Variants in PSMD14 observed in about 807,000 individuals in gnomAD.
The protein encoded by PSMD14 is ubiquitin C-terminal hydrolase PSMD14.
In PSMD14, 7 loss-of-function variants were observed where a neutral mutation model predicts 41.2. The observed-to-expected ratio is 0.17, with a 90% confidence interval of 0.10 to 0.32. The LOEUF (loss-of-function observed/expected upper bound fraction) is 0.32, where lower values mean the gene tolerates loss of function less well. PSMD14 is among the 10% of genes least tolerant of loss of function. The probability of loss-of-function intolerance (pLI) is 1.00; values close to 1 mark genes in which losing one functional copy is unlikely to be tolerated. For synonymous variants in PSMD14, 114 were observed against 122.3 expected (o/e 0.93, Z 0.45); for missense variants, 139 against 375.6 (o/e 0.37, Z 5.21).
chr2:161,353,127 A>G (rs1361365311), intron 3 of PSMD14, among the ~76,000 whole-genome samples: 1 of 152,254 alleles, frequency 6.6e-6, no homozygotes, highest in Non-Finnish European at 1.5e-5. Flanking sequence ...AAATTTATAC[A>G]AATTCTATAA....
At chr2:161,336,615 G>T (rs1682874754) in intron 3 of PSMD14, among the ~76,000 whole-genome samples, 2 of 151,964 alleles carry the variant, frequency 1.3e-5, no homozygotes, top group African/African-American at 4.8e-5. Flanking sequence ...TTGCTCTGTT[G>T]CCCAGACTGG....
intron 8 of PSMD14, among the ~76,000 whole-genome samples, chr2:161,389,885 TGTTG>T (rs147699785): frequency 1.4e-5 from 1 of 73,948 alleles, no homozygotes; most frequent in Non-Finnish European, 2.7e-5. Flanking sequence ...CTTTCTTTTT[TGTTG>T]TTTTTTTTTT....
intron 7 of PSMD14, among the ~76,000 whole-genome samples, chr2:161,375,857 C>A (rs1247241869): frequency 6.6e-6 from 1 of 151,724 alleles, no homozygotes; most frequent in Non-Finnish European, 1.5e-5. Flanking sequence ...CATGATGAAA[C>A]TCTGTCTCTA....
intron 3 of PSMD14, among the ~76,000 whole-genome samples, chr2:161,347,419 C>G (rs1341345141): frequency 6.6e-6 from 1 of 152,122 alleles, no homozygotes; most frequent in Non-Finnish European, 1.5e-5. Context: ...CCTGGGACTA[C>G]AGGCATGAGC....
Position 161,363,227 on chromosome 2 carries a change from C to T in PSMD14, c.49-4251C>T, listed in dbSNP as rs561810489. On this transcript the variant is annotated intron_variant, in intron 3 of 11. Coordinates refer to ENST00000409682, the MANE Select transcript of PSMD14 (RefSeq NM_005805.6). ...GAAACAGTTTCATCTCAAAACCATC[C>T]TCCCTGCCCCAAAACTCGAAAAATG... Among the ~76,000 whole-genome samples the T allele has an allele frequency of 5.9e-5, 9 of 152,286 alleles. No homozygotes were observed. In the East Asian group the frequency reaches 1.7e-3, roughly 29 times the overall value.
intron 7 of PSMD14, among the ~76,000 whole-genome samples, chr2:161,378,740 A>G (rs1683535959): frequency 6.6e-6 from 1 of 151,970 alleles, no homozygotes; most frequent in African/African-American, 2.4e-5. Context: ...GATAACATTT[A>G]CTGGTTGTGT....
chr2:161,334,052 G>A lies in PSMD14; in HGVS notation c.48+15179G>A, dbSNP rs575821129. On this transcript the variant is annotated intron_variant, in intron 3 of 11. Coordinates refer to ENST00000409682, the MANE Select transcript of PSMD14 (RefSeq NM_005805.6). ...TCAAAAAGAAACAAAAAACAAAAAGGCCAGGCCTGGTGGCTCACACCTGTA... is the reference window on the plus strand; with the variant it reads ...TCAAAAAGAAACAAAAAACAAAAAGACCAGGCCTGGTGGCTCACACCTGTA... 3.3e-5 allele frequency among the ~76,000 whole-genome samples: 5 copies of A among 151,694 alleles called. No homozygotes were observed. In the South Asian group the frequency reaches 1.0e-3, roughly 32 times the overall value.
intron 3 of PSMD14, among the ~76,000 whole-genome samples, chr2:161,363,258 C>T (rs1683314799): frequency 6.6e-6 from 1 of 152,192 alleles, no homozygotes; most frequent in Non-Finnish European, 1.5e-5. Flanking sequence ...AAATGGTCTT[C>T]CATGAAACTG....
chr2:161,372,006 C>T (rs924985215), intron 7 of PSMD14, among the ~76,000 whole-genome samples: 2 of 150,744 alleles, frequency 1.3e-5, no homozygotes, highest in Non-Finnish European at 3.0e-5. Flanking sequence ...CCCCATATGC[C>T]ATTTTCCTAT....
At chr2:161,337,688 C>G (rs1224876611) in intron 3 of PSMD14, among the ~76,000 whole-genome samples, 2 of 152,150 alleles carry the variant, frequency 1.3e-5, no homozygotes, top group Non-Finnish European at 2.9e-5. Flanking sequence ...TGCCAGTGCA[C>G]ATGACTGTGA....
At chr2:161,341,449 A>G (rs1387459244) in intron 3 of PSMD14, 6 of 340,486 alleles carry the variant, frequency 1.8e-5, no homozygotes, top group Non-Finnish European at 2.5e-5. Flanking sequence ...TATCAAATAT[A>G]TAATTCGCAG....
chr2:161,333,341 T>G (rs1339613639), intron 3 of PSMD14, among the ~76,000 whole-genome samples: 1 of 152,246 alleles, frequency 6.6e-6, no homozygotes, highest in African/African-American at 2.4e-5. Context: ...TTTCTTTTCC[T>G]GTAAATCCAA....
At chr2:161,343,281 A>G (rs1574123192) in intron 3 of PSMD14, among the ~76,000 whole-genome samples, 1 of 152,064 alleles carries the variant, frequency 6.6e-6, no homozygotes, top group East Asian at 1.9e-4. Flanking sequence ...TACGAATCTC[A>G]CTATTCAAAG....
chr2:161,317,878 C>T (rs898746834), intron 2 of PSMD14, among the ~76,000 whole-genome samples: 5 of 152,134 alleles, frequency 3.3e-5, no homozygotes, highest in South Asian at 2.1e-4. Flanking sequence ...TAGGACATAG[C>T]GATTTTCAAG....
chr2:161,385,257 T>A (rs1021683998), intron 7 of PSMD14: 1 of 348,920 alleles, frequency 2.9e-6, no homozygotes, highest in African/African-American at 2.1e-5. Flanking sequence ...AAAATTGCAA[T>A]AATTGGTGTC....
intron 1 of PSMD14, among the ~76,000 whole-genome samples, chr2:161,313,477 G>C (rs1474946417): frequency 6.6e-6 from 1 of 152,130 alleles, no homozygotes; most frequent in Non-Finnish European, 1.5e-5. Context: ...AGCCTCCCCA[G>C]TAGCTGGGAT....
chr2:161,373,389 A>G (rs1683464953), intron 7 of PSMD14, among the ~76,000 whole-genome samples: 1 of 151,866 alleles, frequency 6.6e-6, no homozygotes, highest in South Asian at 2.1e-4. Context: ...ATCTCTTGAA[A>G]TAAGGATCCA....
At chr2:161,383,405 T>C (rs1334130359) in intron 7 of PSMD14, 1 of 152,068 alleles carries the variant, frequency 6.6e-6, no homozygotes, top group African/African-American at 2.4e-5. Flanking sequence ...CATCTCATTT[T>C]ATTAAGTTCT....
At chr2:161,390,418 T>C (rs548705271) in intron 8 of PSMD14, among the ~76,000 whole-genome samples, 5 of 152,254 alleles carry the variant, frequency 3.3e-5, no homozygotes, top group South Asian at 4.1e-4. Flanking sequence ...GAGTTAGATA[T>C]GGGGGCAGTT....
Sources: gnomAD v4.1 joint callset for allele counts (sites outside exome capture counted in the v4.1 genomes callset) on GRCh38, gnomAD v4.1.1 for gene constraint, MANE v1.5 for transcripts, NCBI Gene and HGNC (gene_info 2026-07-23, HGNC 2026-07-21) for gene names.